The following NDC1 variants were observed in gnomAD, a reference collection of about 807,000 sequenced individuals.
NDC1 encodes NDC1 transmembrane nucleoporin.
NDC1 carries 24 observed loss-of-function variants against 89.8 expected under a neutral mutation model. That is an observed-to-expected ratio of 0.27 (90% CI 0.19 to 0.38). The LOEUF (loss-of-function observed/expected upper bound fraction) is 0.38, where lower values mean the gene tolerates loss of function less well. Among genes scored for constraint, NDC1 ranks in the 10% least tolerant of loss-of-function variants. The probability of loss-of-function intolerance (pLI) is 1.00; values close to 1 mark genes in which losing one functional copy is unlikely to be tolerated. For synonymous variants in NDC1, 296 were observed against 284.8 expected (o/e 1.04, Z -0.39); for missense variants, 728 against 797.6 (o/e 0.91, Z 1.05).
At chr1:53,834,499 A>G in intron 2 of NDC1, among the ~76,000 whole-genome samples, 1 of 152,188 alleles carries the variant, frequency 6.6e-6, no homozygotes, top group East Asian at 1.9e-4. Flanking sequence ...CTCCTTGAAA[A>G]CTGGCATTTT....
At chr1:53,794,595 C>T (rs549911604) in intron 13 of NDC1, among the ~76,000 whole-genome samples, 31 of 152,246 alleles carry the variant, frequency 2.0e-4, no homozygotes, top group Middle Eastern at 3.4e-3. Context: ...CATGACTGGG[C>T]GTGGTGGCTC....
intron 11 of NDC1, 82 bp from the exon 12 acceptor site, chr1:53,797,226 C>T (rs573911854): frequency 7.1e-7 from 1 of 1,416,326 alleles, no homozygotes; most frequent in Admixed American, 2.1e-5. Flanking sequence ...CTACACATAC[C>T]AAATTTTTGT....
At chr1:53,828,441 C>G (rs1648947084) in intron 3 of NDC1, among the ~76,000 whole-genome samples, 1 of 151,988 alleles carries the variant, frequency 6.6e-6, no homozygotes, top group Admixed American at 6.6e-5. Flanking sequence ...TTAAAATTTC[C>G]TAATAGTTCC....
In NDC1 at chr1:53,792,132, C is replaced by G. The variant is rs183680619; in HGVS notation, c.1635+1097G>C. 8.4e-3 allele frequency among the ~76,000 whole-genome samples: 1,282 copies of G among 152,174 alleles called. 21 individuals carry two copies. The highest frequency in any genetic ancestry group is 0.029 in the African/African-American group (1,184 of 41,506). On this transcript the variant is annotated intron_variant, in intron 14 of 17. Transcript: ENST00000371429. ...TAATTTTTTGTATTTTTAGTAGAGACAGGGTTTCACCGTGTTAGCCAGGAT... is the reference window on the plus strand; with the variant it reads ...TAATTTTTTGTATTTTTAGTAGAGAGAGGGTTTCACCGTGTTAGCCAGGAT...
intron 14 of NDC1, among the ~76,000 whole-genome samples, chr1:53,790,880 A>C (rs1228095018): frequency 6.6e-6 from 1 of 152,148 alleles, no homozygotes; most frequent in Non-Finnish European, 1.5e-5. Flanking sequence ...CACGTATATA[A>C]TGCATGATGA....
chr1:53,775,300 A>G (rs1029137180), intron 16 of NDC1, among the ~76,000 whole-genome samples: 1 of 152,154 alleles, frequency 6.6e-6, no homozygotes, highest in Admixed American at 6.5e-5. Context: ...TCTGTCACCC[A>G]GGCTGGAGTA....
At chr1:53,836,390 A>T (rs1014571264) in intron 1 of NDC1, among the ~76,000 whole-genome samples, 2 of 149,984 alleles carry the variant, frequency 1.3e-5, no homozygotes, top group African/African-American at 2.5e-5. Flanking sequence ...TCTATAAAAA[A>T]TTTTTTAAAA....
In NDC1 at chr1:53,772,615, G is replaced by C; in HGVS notation, c.1801-126C>G. 9 of 719,832 alleles carry C rather than the reference G, an allele frequency of 1.3e-5. No individual in the cohort carries two copies. In the East Asian group the frequency reaches 2.1e-4, roughly 17 times the overall value. 44.6% of individuals were successfully genotyped at this position (719,832 alleles called of 1,614,324 possible). The stretch of plus-strand genomic sequence containing the variant: ...GAGGCGGGAGGACTGCTTGAGCCCA[G>C]GAGTTCCACTGTACTCCAGACTGGG... On this transcript the variant is annotated intron_variant, in intron 16 of 17. Transcript: ENST00000371429.
chr1:53,793,374 G>GA, intron 13 of NDC1, 95 bp from the exon 14 acceptor site: 1 of 974,844 alleles, frequency 1.0e-6, no homozygotes, highest in Non-Finnish European at 1.6e-6. Context: ...TAACTTAAAT[G>GA]AAAAAATGAA....
In NDC1 at chr1:53,796,697, G is replaced by A. The variant is rs765426871; in HGVS notation, c.1576C>T (p.Arg526Cys). Residue 526 changes from arginine (R) to cysteine (C), a missense_variant, in exon 13 of 18, where the codon CGT becomes TGT. Physicochemically the swap from Arg to Cys is radical, Grantham distance 180. Coordinates refer to ENST00000371429, the MANE Select transcript of NDC1 (RefSeq NM_018087.5). ...TAACCATATCATCCTACCTGTTCAC[G>A]TTTATTCTGAATCCATGAATAAATC... The part of the protein sequence containing the change: ...SVIYSWIQNK[R>C]EQIKNFLSKR... 24 of 1,593,846 alleles carry A rather than the reference G, an allele frequency of 1.5e-5. No individual in the cohort carries two copies. The highest frequency in any genetic ancestry group is 1.8e-5 in the Non-Finnish European group (21 of 1,167,936).
intron 1 of NDC1, among the ~76,000 whole-genome samples, chr1:53,837,086 T>G (rs1412027401): frequency 2.6e-5 from 4 of 152,170 alleles, no homozygotes; most frequent in Admixed American, 6.5e-5. Flanking sequence ...ATATGTGGTA[T>G]GTCCATACAG....
intron 16 of NDC1, among the ~76,000 whole-genome samples, chr1:53,783,243 C>T (rs958055270): frequency 3.3e-5 from 5 of 151,594 alleles, no homozygotes; most frequent in African/African-American, 1.2e-4. Context: ...AGATTACCCA[C>T]ACAGACTCTG....
chr1:53,800,332 CTTTTTTTT>C (rs1158363485), intron 11 of NDC1, among the ~76,000 whole-genome samples: 167 of 80,690 alleles, frequency 2.1e-3, no homozygotes, highest in Middle Eastern at 0.014. Context: ...CTACAGTCAT[CTTTTTTTT>C]TTTTTTTTTT....
At chr1:53,823,964 T>C (rs1471705624) in intron 5 of NDC1, among the ~76,000 whole-genome samples, 2 of 151,682 alleles carry the variant, frequency 1.3e-5, no homozygotes, top group Non-Finnish European at 2.9e-5. Context: ...TTTAAAGAGA[T>C]AGGGTCTCAG....
chr1:53,772,262 C>A, intron 17 of NDC1, 67 bp downstream of exon 17: 1 of 1,403,840 alleles, frequency 7.1e-7, no homozygotes, highest in Non-Finnish European at 1.0e-6. Flanking sequence ...CTTATCATTC[C>A]CATACCTATT....
In NDC1 at chr1:53,793,238, A is replaced by C. The variant is rs748810834; in HGVS notation, c.1626T>G (p.Phe542Leu). The change falls in exon 14 of 18, where the codon TTT (phenylalanine) becomes TTG (leucine). Residue 542 changes from phenylalanine to leucine, a missense_variant. Transcript: ENST00000371429. ...FLSKRVLIMY[F>L]FSKHPEASIQ... ...AACCACATATTCTTACCTTACTGAAAAAATACATTATCAGCACCCGTTTTG... is the reference window on the plus strand; with the variant it reads ...AACCACATATTCTTACCTTACTGAACAAATACATTATCAGCACCCGTTTTG... 48 of 1,611,152 alleles carry C rather than the reference A, an allele frequency of 3.0e-5. No homozygotes were observed. Among genetic ancestry groups the C allele is most frequent in the Admixed American group, 6.7e-5 (4 of 59,948 alleles).
chr1:53,825,670 G>A (rs1648829699), intron 5 of NDC1, 128 bp downstream of exon 5: 4 of 768,950 alleles, frequency 5.2e-6, no homozygotes, highest in African/African-American at 3.6e-5. Flanking sequence ...GGCATTTTGA[G>A]GATTTCAGTT....
At chr1:53,824,897 T>C (rs1648794448) in intron 5 of NDC1, among the ~76,000 whole-genome samples, 4 of 152,248 alleles carry the variant, frequency 2.6e-5, no homozygotes, top group Admixed American at 2.0e-4. Flanking sequence ...CAGCAGGCCA[T>C]CCACGATGGC....
At chr1:53,792,898 G>A (rs1647567900) in intron 14 of NDC1, among the ~76,000 whole-genome samples, 1 of 152,220 alleles carries the variant, frequency 6.6e-6, no homozygotes, top group Admixed American at 6.5e-5. Flanking sequence ...CAGGACGTGA[G>A]CCAAGAAGCA....
Sources: allele counts gnomAD v4.1 joint callset (sites outside exome capture counted in the v4.1 genomes callset), GRCh38; gene constraint gnomAD v4.1.1; transcripts MANE v1.5; gene names NCBI Gene and HGNC (gene_info 2026-07-23, HGNC 2026-07-21).